The following SLC26A5 variants were observed in gnomAD, a reference collection of about 807,000 sequenced individuals.
SLC26A5 encodes the protein prestin.
SLC26A5 carries 51 observed loss-of-function variants against 81.0 expected under a neutral mutation model. That is an observed-to-expected ratio of 0.63 (90% confidence interval 0.50 to 0.80). The LOEUF (loss-of-function observed/expected upper bound fraction) is 0.80. SLC26A5 is among the 30% of genes least tolerant of loss of function. The pLI is 0.00. For synonymous variants in SLC26A5, 325 were observed against 332.8 expected, an observed-to-expected ratio of 0.98 and a Z score of 0.25; for missense variants, 771 against 905.8, an observed-to-expected ratio of 0.85 and a Z score of 1.91.
In SLC26A5 at chr7:103,411,629, T is replaced by C. The variant is rs776598378; in HGVS notation, c.404-43A>G. On this transcript the variant is annotated intron_variant, in intron 5 of 19. Coordinates refer to ENST00000306312, the MANE Select transcript of SLC26A5 (RefSeq NM_198999.3). ...GAAGATCCCTGTTCAGGGTTCAGAG[T>C]ATCTGATATGGTTTTTGCCAGTACA... The C allele has an allele frequency of 7.5e-6, 12 of 1,609,796 alleles. No homozygotes were observed. The South Asian group carries it at 1.3e-4, about 18-fold the overall frequency.
At chr7:103,441,599 C>G (rs1417866935) in intron 2 of SLC26A5, among the ~76,000 whole-genome samples, 1 of 152,180 alleles carries the variant, frequency 6.6e-6, no homozygotes, top group Non-Finnish European at 1.5e-5. Flanking sequence ...TCATGCTTAT[C>G]CCCTGCTGAC....
At chr7:103,382,869 G>T (rs527901351) in intron 14 of SLC26A5, among the ~76,000 whole-genome samples, 1 of 152,204 alleles carries the variant, frequency 6.6e-6, no homozygotes, top group African/African-American at 2.4e-5. Context: ...TTCAATGTCA[G>T]ACAGCTTGCC....
intron 2 of SLC26A5, among the ~76,000 whole-genome samples, chr7:103,441,708 C>A (rs941009688): frequency 1.3e-5 from 2 of 152,160 alleles, no homozygotes; most frequent in Non-Finnish European, 2.9e-5. Flanking sequence ...GAGATGTTAT[C>A]GTCTCTGGGG....
At chr7:103,430,338 C>T (rs1825984311) in intron 2 of SLC26A5, among the ~76,000 whole-genome samples, 1 of 152,204 alleles carries the variant, frequency 6.6e-6, no homozygotes, top group African/African-American at 2.4e-5. Flanking sequence ...CTCGGCCTCC[C>T]AAAGTGCTGG....
chr7:103,431,903 C>A (rs1859783), intron 2 of SLC26A5, among the ~76,000 whole-genome samples: 1 of 151,470 alleles, frequency 6.6e-6, no homozygotes, highest in Admixed American at 6.6e-5. Flanking sequence ...ACATTATTCA[C>A]GAATGCTTAC....
At chr7:103,355,173 T>A (rs1196021382) in intron 19 of SLC26A5, among the ~76,000 whole-genome samples, 1 of 152,236 alleles carries the variant, frequency 6.6e-6, no homozygotes, top group Non-Finnish European at 1.5e-5. Context: ...TACCATCTTC[T>A]AAGCCAGTAA....
chr7:103,396,422 C>G (rs761786232), intron 9 of SLC26A5, among the ~76,000 whole-genome samples: 1 of 152,152 alleles, frequency 6.6e-6, no homozygotes, highest in Admixed American at 6.5e-5. Flanking sequence ...TAAAGGCAAC[C>G]CACGTGCTCA....
At chr7:103,400,297 T>C (rs1031471912) in intron 8 of SLC26A5, among the ~76,000 whole-genome samples, 6 of 152,260 alleles carry the variant, frequency 3.9e-5, no homozygotes, top group African/African-American at 1.4e-4. Context: ...GTTGTGGTTT[T>C]GATTTGCATT....
intron 14 of SLC26A5, among the ~76,000 whole-genome samples, chr7:103,384,429 G>A (rs1822031017): frequency 6.6e-6 from 1 of 151,992 alleles, no homozygotes; most frequent in Non-Finnish European, 1.5e-5. Flanking sequence ...TGGCCAAGAT[G>A]GTGAAACCCC....
intron 19 of SLC26A5, 114 bp from the exon 20 acceptor site, chr7:103,374,706 T>TC (rs1821228400): frequency 2.8e-6 from 1 of 357,406 alleles, no homozygotes; most frequent in African/African-American, 2.4e-5. Context: ...TTTTTGTTTC[T>TC]TTTTTTTTTT....
At chr7:103,363,444 G>C in intron 19 of SLC26A5, 4 of 1,598,646 alleles carry the variant, frequency 2.5e-6, no homozygotes, top group Non-Finnish European at 3.4e-6. Flanking sequence ...CTTCATGTAA[G>C]TAGCTGAGTG....
chr7:103,389,236 C>G (rs1339409599), intron 13 of SLC26A5, 93 bp downstream of exon 13: 3 of 1,211,310 alleles, frequency 2.5e-6, no homozygotes, highest in Non-Finnish European at 3.7e-6. Context: ...CTGCACATAA[C>G]AACTGCATTA....
At chr7:103,393,164 G>T in intron 9 of SLC26A5, 98 bp from the exon 10 acceptor site, 2 of 1,406,280 alleles carry the variant, frequency 1.4e-6, no homozygotes, top group South Asian at 1.2e-5. Flanking sequence ...GGCATTATCT[G>T]CAAATGAAGT....
chr7:103,366,784 C>T (rs569826910), intron 19 of SLC26A5, among the ~76,000 whole-genome samples: 208 of 152,176 alleles, frequency 1.4e-3, no homozygotes, highest in Non-Finnish European at 2.3e-3. Context: ...TGATGAAATA[C>T]AGTATTAGCC....
chr7:103,374,235 AC>A lies in SLC26A5; in HGVS notation c.*163del. The stretch of plus-strand genomic sequence containing the variant: ...ATCTTTGAAGTATTCAATTAAAAAA[AC>A]ACAAGTACAATACATCTTGCTAGGC... On this transcript the variant is annotated 3_prime_UTR_variant, in exon 20 of 20. Coordinates refer to ENST00000306312, the MANE Select transcript of SLC26A5 (RefSeq NM_198999.3). 1.4e-6 allele frequency: 2 copies of A among 1,414,882 alleles called. No homozygotes were observed. Among genetic ancestry groups the A allele is most frequent in the Non-Finnish European group, 1.8e-6 (2 of 1,089,196 alleles). 87.6% of individuals were successfully genotyped at this position (1,414,882 alleles called of 1,614,324 possible). A position where few individuals can be genotyped will look rare whatever the true frequency, so the allele number is the denominator to read the frequency against.
chr7:103,353,032 G>T lies in SLC26A5; in HGVS notation c.2042-106C>A, dbSNP rs556840838. The T allele has an allele frequency of 4.0e-5, 31 of 770,182 alleles. 1 individual carries two copies. The highest frequency in any genetic ancestry group is 3.9e-4 in the South Asian group (29 of 73,614). 47.7% of individuals were successfully genotyped at this position (770,182 alleles called of 1,614,324 possible). ...GAAAGCACATGAGTATTGATTTGGG[G>T]ATTACAAATAAATTTGAGCAGCTAA... On this transcript the variant is annotated intron_variant, in intron 19 of 19. Transcript: ENST00000339444.
chr7:103,430,809 C>T (rs1826025689), intron 2 of SLC26A5, among the ~76,000 whole-genome samples: 1 of 152,152 alleles, frequency 6.6e-6, no homozygotes, highest in Non-Finnish European at 1.5e-5. Context: ...CTTTTAAGTC[C>T]ATGAAAGGCA....
At chr7:103,420,697 T>C (rs1362877470) in intron 4 of SLC26A5, 41 bp downstream of exon 4, 1 of 1,612,550 alleles carries the variant, frequency 6.2e-7, no homozygotes, top group South Asian at 1.1e-5. Context: ...AAGCAATTGT[T>C]TGAGGACAGC....
intron 19 of SLC26A5, chr7:103,368,612 G>A (rs1820847829): frequency 1.3e-5 from 2 of 152,096 alleles, no homozygotes; most frequent in South Asian, 4.1e-4. Context: ...TTTAAAGTAG[G>A]AGAAACATTG....
Sources: allele counts gnomAD v4.1 joint callset (sites outside exome capture counted in the v4.1 genomes callset), GRCh38; gene constraint gnomAD v4.1.1; transcripts MANE v1.5; gene names NCBI Gene and HGNC (gene_info 2026-07-23, HGNC 2026-07-21).